The following BEND7 variants were observed in gnomAD, a reference collection of about 807,000 sequenced individuals.
BEND7 encodes BEN domain containing 7, also known as BEN domain-containing protein 7.
In BEND7, 28 loss-of-function variants were observed where a neutral mutation model predicts 50.9. The observed-to-expected ratio is 0.55, with a 90% CI of 0.41 to 0.75. The LOEUF is 0.75. Among genes scored for constraint, BEND7 ranks in the 30% least tolerant of loss-of-function variants. The probability of loss-of-function intolerance (pLI) is 0.00; values close to 1 mark genes in which losing one functional copy is unlikely to be tolerated. For missense variants in BEND7, 477 were observed against 491.3 expected, an observed-to-expected ratio of 0.97 and a Z score of 0.28; for synonymous variants, 170 against 183.9, an observed-to-expected ratio of 0.92 and a Z score of 0.61.
At chr10:13,453,258 G>A (rs1315884491) in intron 6 of BEND7, among the ~76,000 whole-genome samples, 10 of 152,114 alleles carry the variant, frequency 6.6e-5, no homozygotes, top group Admixed American at 6.5e-5. Flanking sequence ...CAAGGCAGGC[G>A]GGACAATGAT....
chr10:13,457,898 A>G (rs1483305266), intron 6 of BEND7, among the ~76,000 whole-genome samples: 1 of 152,258 alleles, frequency 6.6e-6, no homozygotes, highest in Non-Finnish European at 1.5e-5. Context: ...ATTTGCATTC[A>G]TCTTGAGAAT....
chr10:13,517,951 C>T (rs2078813726), intron 2 of BEND7, among the ~76,000 whole-genome samples: 2 of 152,144 alleles, frequency 1.3e-5, no homozygotes, highest in Non-Finnish European at 2.9e-5. Flanking sequence ...ACAGACTTCC[C>T]GCGCCAACAT....
intron 7 of BEND7, among the ~76,000 whole-genome samples, chr10:13,449,362 TG>T (rs1837187880): frequency 6.6e-6 from 1 of 152,166 alleles, no homozygotes; most frequent in South Asian, 2.1e-4. Context: ...ACGGGGCACT[TG>T]ACATGCAGTG....
rs1221667712 is a variant in BEND7 at position 13,496,860 on chromosome 10, A to C, written c.477T>G (p.Ala159=). The change falls in exon 4 of 9, where the codon GCT becomes GCG. Residue 159 remains alanine (A), a synonymous_variant. Transcript: ENST00000466271. ...NGELPVVNSS[A]GSNCCTCNCQ... is the part of the protein sequence containing the mutation. ...AGTTACAAGTACAGCAGTTTGATCCAGCTGATGAATTCACCACTGGAAGTT... is the reference window on the plus strand; with the variant it reads ...AGTTACAAGTACAGCAGTTTGATCCCGCTGATGAATTCACCACTGGAAGTT... 6.2e-7 allele frequency: 1 copy of C among 1,609,972 alleles called. No individual in the cohort carries two copies. Among genetic ancestry groups the C allele is most frequent in the Non-Finnish European group, 8.5e-7 (1 of 1,178,478 alleles).
intron 6 of BEND7, among the ~76,000 whole-genome samples, chr10:13,466,381 G>A (rs1012177303): frequency 2.0e-5 from 3 of 152,012 alleles, no homozygotes; most frequent in Non-Finnish European, 2.9e-5. Context: ...CCAACATGCC[G>A]AAACCCTGTC....
At chr10:13,499,660 A>G in intron 3 of BEND7, 118 bp downstream of exon 3, 1 of 1,229,760 alleles carries the variant, frequency 8.1e-7, no homozygotes, top group Non-Finnish European at 1.1e-6. Context: ...AAAGTAACTC[A>G]GCAAAGGCAG....
chr10:13,480,516 T>C, intron 6 of BEND7: 3 of 234,970 alleles, frequency 1.3e-5, no homozygotes, highest in Non-Finnish European at 2.0e-5. Flanking sequence ...TTACTTTATC[T>C]TTTTTTTTTT....
chr10:13,476,364 C>G (rs2075435391), intron 6 of BEND7, among the ~76,000 whole-genome samples: 1 of 152,160 alleles, frequency 6.6e-6, no homozygotes, highest in Admixed American at 6.5e-5. Context: ...ACCATCAAGG[C>G]TGGCCTCTCA....
downstream of BEND7, chr10:13,439,507 G>GA: frequency 6.3e-7 from 1 of 1,581,886 alleles, no homozygotes; most frequent in Non-Finnish European, 8.6e-7. Flanking sequence ...CCTGTGGAAT[G>GA]AATGAATGAG....
chr10:13,470,732 A>G (rs2074734424), intron 6 of BEND7, among the ~76,000 whole-genome samples: 1 of 152,216 alleles, frequency 6.6e-6, no homozygotes, highest in African/African-American at 2.4e-5. Context: ...ATCCGAATTC[A>G]TAAGGTGTGG....
chr10:13,511,035 C>G (rs572579779), intron 2 of BEND7, among the ~76,000 whole-genome samples: 41 of 152,214 alleles, frequency 2.7e-4, no homozygotes, highest in Admixed American at 1.7e-3. Context: ...CGAAAATTAG[C>G]TGGGTGTGAT....
intron 6 of BEND7, among the ~76,000 whole-genome samples, chr10:13,466,210 T>C (rs963927283): frequency 1.3e-5 from 2 of 151,812 alleles, no homozygotes; most frequent in African/African-American, 4.8e-5. Flanking sequence ...AGTGTAATGA[T>C]GTTTGACCGT....
chr10:13,516,505 C>G (rs1258577622), intron 2 of BEND7, among the ~76,000 whole-genome samples: 2 of 152,128 alleles, frequency 1.3e-5, no homozygotes, highest in Non-Finnish European at 2.9e-5. Context: ...GCAGGCAGAT[C>G]GCTTGAAGTC....
chr10:13,473,721 G>A (rs1377134818), intron 6 of BEND7, among the ~76,000 whole-genome samples: 2 of 151,526 alleles, frequency 1.3e-5, no homozygotes, highest in African/African-American at 2.4e-5. Flanking sequence ...ATTTGGGGTC[G>A]ATACCCATCA....
chr10:13,511,587 G>A lies in BEND7; in HGVS notation c.146-11507C>T, dbSNP rs140062119. On this transcript the variant is annotated intron_variant, in intron 2 of 8. Coordinates refer to ENST00000466271, the MANE Select transcript of BEND7 (RefSeq NM_001369863.1). ...GCAGGGAGATGCTGGGGTGTGGCACGTTTTGTAATCCCTGGAATACATGCT... is the reference window on the plus strand; with the variant it reads ...GCAGGGAGATGCTGGGGTGTGGCACATTTTGTAATCCCTGGAATACATGCT... 2.1e-3 allele frequency among the ~76,000 whole-genome samples: 314 copies of A among 152,220 alleles called. 1 individual carries two copies. The highest frequency in any genetic ancestry group is 6.8e-3 in the African/African-American group (282 of 41,542).
chr10:13,441,913 T>C, intron 8 of BEND7, 163 bp from the exon 9 acceptor site: 2 of 683,766 alleles, frequency 2.9e-6, no homozygotes, highest in Non-Finnish European at 5.0e-6. Context: ...GTAACTTGTC[T>C]AGTAGTTAGA....
intron 2 of BEND7, among the ~76,000 whole-genome samples, chr10:13,502,127 T>C (rs1156923524): frequency 6.6e-6 from 1 of 152,162 alleles, no homozygotes; most frequent in Non-Finnish European, 1.5e-5. Flanking sequence ...TCTGTAGAAC[T>C]GGTAACTGCA....
intron 4 of BEND7, among the ~76,000 whole-genome samples, 154 bp downstream of exon 4, chr10:13,496,612 G>A (rs113254993): frequency 1.3e-5 from 2 of 152,336 alleles, no homozygotes; most frequent in African/African-American, 4.8e-5. Flanking sequence ...AAAATGGATT[G>A]TAGAGAAAGC....
rs527925364 is a variant in BEND7 at position 13,448,906 on chromosome 10, C to T, written c.1184-1590G>A. Among the ~76,000 whole-genome samples the T allele has an allele frequency of 6.2e-5, 9 of 144,898 alleles. No individual in the cohort carries two copies. In the South Asian group the frequency reaches 1.5e-3, roughly 25 times the overall value. ...AGGAGAATGGTGTGAACCCGGGAGG[C>T]GGAGCTTGGTGAGCCGAGATCGCGC... On this transcript the variant is annotated intron_variant, in intron 7 of 8. Transcript: ENST00000466271.
Sources: allele counts gnomAD v4.1 joint callset (sites outside exome capture counted in the v4.1 genomes callset), GRCh38; gene constraint gnomAD v4.1.1; transcripts MANE v1.5; gene names NCBI Gene and HGNC (gene_info 2026-07-23, HGNC 2026-07-21).